TPRG1: variants seen among roughly 807,000 people sequenced by gnomAD.
The protein encoded by TPRG1 is tumor protein p63 regulated 1, also known as tumor protein p63-regulated gene 1 protein.
A neutral mutation model predicts 29.3 loss-of-function variants in TPRG1; 29 were observed. That is an observed-to-expected ratio of 0.99 (90% CI 0.74 to 1.35). The LOEUF is 1.35. TPRG1 is among the 40% of genes most tolerant of loss of function. The pLI is 0.00. For synonymous variants in TPRG1, 130 were observed against 116.8 expected, an observed-to-expected ratio of 1.11 and a Z score of -0.73; for missense variants, 327 against 335.0, an observed-to-expected ratio of 0.98 and a Z score of 0.19.
chr3:189,159,877 G>C (rs1265454810), intron 5 of TPRG1, among the ~76,000 whole-genome samples: 1 of 122,216 alleles, frequency 8.2e-6, no homozygotes, highest in Non-Finnish European at 1.9e-5. Context: ...TGGTGGTGGG[G>C]GTAGGGGTTC....
intron 2 of TPRG1, among the ~76,000 whole-genome samples, chr3:189,002,589 T>A (rs369144151): frequency 6.6e-6 from 1 of 152,128 alleles, no homozygotes; most frequent in South Asian, 2.1e-4. Flanking sequence ...ATATGCAGCA[T>A]CCCAAATGCC....
chr3:189,032,037 A>T (rs1713959528), intron 4 of TPRG1, among the ~76,000 whole-genome samples: 1 of 152,296 alleles, frequency 6.6e-6, no homozygotes, highest in African/African-American at 2.4e-5. Flanking sequence ...CTCCAAATAT[A>T]TCCACATCCT....
intron 4 of TPRG1, among the ~76,000 whole-genome samples, chr3:189,029,161 T>C (rs1341375676): frequency 2.6e-5 from 4 of 152,188 alleles, no homozygotes; most frequent in Non-Finnish European, 5.9e-5. Flanking sequence ...ATGCCTGCTA[T>C]CCTGAGCTAA....
At chr3:189,299,088 T>TA (rs1720419806) in intron 4 of TPRG1, among the ~76,000 whole-genome samples, 1 of 152,026 alleles carries the variant, frequency 6.6e-6, no homozygotes, top group Non-Finnish European at 1.5e-5. Context: ...TTTTTTTTTT[T>TA]ACTTAGTTAT....
intron 4 of TPRG1, among the ~76,000 whole-genome samples, chr3:189,300,170 T>C (rs1000899823): frequency 3.9e-5 from 6 of 152,238 alleles, no homozygotes; most frequent in African/African-American, 7.2e-5. Flanking sequence ...TAGGATACCA[T>C]GGGATTATCA....
At chr3:189,029,011 G>A (rs1010381667) in intron 4 of TPRG1, among the ~76,000 whole-genome samples, 4 of 149,952 alleles carry the variant, frequency 2.7e-5, no homozygotes, top group Non-Finnish European at 5.9e-5. Flanking sequence ...ATGGAATTGA[G>A]TAAGTGTTTT....
intron 3 of TPRG1, among the ~76,000 whole-genome samples, chr3:189,018,420 A>C (rs2152123985): frequency 6.8e-6 from 1 of 146,748 alleles, no homozygotes; most frequent in South Asian, 2.3e-4. Flanking sequence ...AGGTGTAAGG[A>C]AGGAATCCAG....
chr3:189,029,222 G>A (rs1252066323), intron 4 of TPRG1, among the ~76,000 whole-genome samples: 1 of 152,108 alleles, frequency 6.6e-6, no homozygotes, highest in Admixed American at 6.6e-5. Flanking sequence ...TTGGTTGAAG[G>A]GGGAGAAAGG....
intron 4 of TPRG1, among the ~76,000 whole-genome samples, chr3:189,085,228 G>A (rs925650351): frequency 2.0e-5 from 3 of 152,180 alleles, no homozygotes; most frequent in Non-Finnish European, 2.9e-5. Flanking sequence ...GGTGGGGTGA[G>A]GTGAAGGATA....
chr3:189,166,942 C>T (rs145461371), intron 5 of TPRG1, among the ~76,000 whole-genome samples: 1,563 of 152,220 alleles, frequency 0.01, 25 homozygotes, highest in African/African-American at 0.035. Flanking sequence ...AGAGGAGTAA[C>T]TTCTTCCCCT....
At chr3:189,317,377 A>G (rs1479968804) in intron 5 of TPRG1, among the ~76,000 whole-genome samples, 1 of 152,184 alleles carries the variant, frequency 6.6e-6, no homozygotes, top group African/African-American at 2.4e-5. Flanking sequence ...CCTTTGCAAT[A>G]TAACTCCAAA....
chr3:189,158,460 T>C (rs1726991229), intron 5 of TPRG1, among the ~76,000 whole-genome samples: 1 of 151,818 alleles, frequency 6.6e-6, no homozygotes, highest in African/African-American at 2.4e-5. Flanking sequence ...AATACAAAAA[T>C]TCGCCAGGCG....
chr3:189,166,884 C>T (rs1229096746), intron 5 of TPRG1, among the ~76,000 whole-genome samples: 3 of 152,152 alleles, frequency 2.0e-5, no homozygotes, highest in South Asian at 2.1e-4. Flanking sequence ...ATTGGGTATC[C>T]GAGTCTGCCG....
intron 4 of TPRG1, among the ~76,000 whole-genome samples, chr3:189,088,509 A>G (rs929951509): frequency 2.0e-5 from 3 of 152,154 alleles, no homozygotes; most frequent in Non-Finnish European, 4.4e-5. Context: ...CTCCTACCTG[A>G]TTGCTCTGGT....
At chr3:189,136,395 C>T (rs556471594) in intron 3 of TPRG1, among the ~76,000 whole-genome samples, 136 of 152,280 alleles carry the variant, frequency 8.9e-4, no homozygotes, top group African/African-American at 3.1e-3. Flanking sequence ...AGAGCCGTTT[C>T]TGGAGAGGAG....
intron 1 of TPRG1, among the ~76,000 whole-genome samples, chr3:189,107,265 C>A (rs1290181618): frequency 6.6e-6 from 1 of 152,000 alleles, no homozygotes; most frequent in Non-Finnish European, 1.5e-5. Context: ...GCCTTCAGGA[C>A]CTCAGGCAGC....
At position 189,246,387 on chromosome 3, in the gene TPRG1, T is replaced by TA. The variant is rs34528158; in HGVS notation, c.479+7479dup. 5.2e-3 allele frequency among the ~76,000 whole-genome samples: 795 copies of TA among 152,310 alleles called. 3 individuals are homozygous for TA. Among genetic ancestry groups the TA allele is most frequent in the Non-Finnish European group, 7.7e-3 (521 of 68,016 alleles). ...AGTAATACACATAGCATGTTTTTTT[T>TA]ATCCGTTTACTTTCTACTTATTTAT... is the stretch of plus-strand genomic sequence containing the variant. On this transcript the variant is annotated intron_variant, in intron 4 of 5. Transcript: ENST00000345063.
intron 1 of TPRG1, among the ~76,000 whole-genome samples, chr3:189,125,673 C>T (rs1271075278): frequency 6.6e-6 from 1 of 152,064 alleles, no homozygotes; most frequent in African/African-American, 2.4e-5. Flanking sequence ...CTTCAAGCCC[C>T]ATGTTAGGAT....
At chr3:189,030,454 TC>T (rs1473407853) in intron 4 of TPRG1, among the ~76,000 whole-genome samples, 1 of 152,238 alleles carries the variant, frequency 6.6e-6, no homozygotes, top group East Asian at 1.9e-4. Flanking sequence ...CTTTCTTTTT[TC>T]TAATTAATCT....
Sources: allele counts gnomAD v4.1 joint callset (sites outside exome capture counted in the v4.1 genomes callset), GRCh38; gene constraint gnomAD v4.1.1; transcripts MANE v1.5; gene names NCBI Gene and HGNC (gene_info 2026-07-23, HGNC 2026-07-21).